DPY19L1: variants seen among roughly 807,000 people sequenced by gnomAD.
DPY19L1 encodes protein C-mannosyl-transferase DPY19L1.
A neutral mutation model predicts 96.9 loss-of-function variants in DPY19L1; 35 were observed. The ratio of observed to expected loss-of-function variants is 0.36; its 90% CI spans 0.28 to 0.48. DPY19L1 has a LOEUF of 0.48. Among genes scored for constraint, DPY19L1 ranks in the 20% least tolerant of loss-of-function variants. DPY19L1 has a pLI of 0.99. For missense variants in DPY19L1, 521 were observed against 777.9 expected, an observed-to-expected ratio of 0.67 and a Z score of 3.93; for synonymous variants, 205 against 252.6, an observed-to-expected ratio of 0.81 and a Z score of 1.79.
At chr7:35,034,888 T>C (rs576281443) in intron 1 of DPY19L1, among the ~76,000 whole-genome samples, 7 of 152,320 alleles carry the variant, frequency 4.6e-5, no homozygotes, top group South Asian at 2.1e-4. Flanking sequence ...AAGTCCCACA[T>C]TGAAATACTG....
chr7:34,987,441 T>C, intron 7 of DPY19L1, among the ~76,000 whole-genome samples: 1 of 152,172 alleles, frequency 6.6e-6, no homozygotes, highest in South Asian at 2.1e-4. Context: ...AATAATTTGT[T>C]CAGGCAAAAA....
At chr7:35,002,734 A>G (rs759370134) in intron 6 of DPY19L1, among the ~76,000 whole-genome samples, 9 of 152,204 alleles carry the variant, frequency 5.9e-5, no homozygotes, top group Non-Finnish European at 1.0e-4. Context: ...TAACTTAGGA[A>G]CATCTGAATA....
At chr7:34,983,304 A>C (rs890263077) in intron 7 of DPY19L1, among the ~76,000 whole-genome samples, 21 of 152,192 alleles carry the variant, frequency 1.4e-4, no homozygotes, top group Non-Finnish European at 2.9e-4. Context: ...GAGAAAAAAA[A>C]CAGTCAATGG....
intron 6 of DPY19L1, among the ~76,000 whole-genome samples, chr7:34,998,686 C>T (rs1373591532): frequency 1.3e-5 from 2 of 152,182 alleles, no homozygotes; most frequent in Non-Finnish European, 2.9e-5. Context: ...CAGTTTACAC[C>T]CTCATCATGC....
At chr7:34,948,513 G>A (rs1379206751) in intron 14 of DPY19L1, among the ~76,000 whole-genome samples, 1 of 152,130 alleles carries the variant, frequency 6.6e-6, no homozygotes, top group Non-Finnish European at 1.5e-5. Flanking sequence ...GATACTTACA[G>A]TGATGAGGAA....
At chr7:34,953,547 T>C (rs1032826118) in intron 13 of DPY19L1, among the ~76,000 whole-genome samples, 2 of 152,194 alleles carry the variant, frequency 1.3e-5, no homozygotes, top group African/African-American at 4.8e-5. Flanking sequence ...CTCCTGTGTA[T>C]TCCTGCAGCA....
At chr7:35,029,326 G>A (rs546521733) in intron 1 of DPY19L1, among the ~76,000 whole-genome samples, 1 of 152,246 alleles carries the variant, frequency 6.6e-6, no homozygotes, top group Admixed American at 6.5e-5. Flanking sequence ...AAGATAATAT[G>A]ATCTGCTTCT....
intron 16 of DPY19L1, among the ~76,000 whole-genome samples, chr7:34,944,165 C>T (rs1175857415): frequency 2.0e-5 from 3 of 151,994 alleles, no homozygotes; most frequent in East Asian, 1.9e-4. Context: ...GAGTTCAAGA[C>T]CAGCCTGGCC....
At chr7:34,940,401 C>A in intron 18 of DPY19L1, 74 bp from the exon 19 acceptor site, 1 of 1,336,068 alleles carries the variant, frequency 7.5e-7, no homozygotes, top group South Asian at 1.7e-5. Context: ...AACTTCTTCC[C>A]AGAGAAGAAT....
intron 16 of DPY19L1, among the ~76,000 whole-genome samples, chr7:34,944,318 G>A (rs1328145546): frequency 9.1e-5 from 13 of 142,900 alleles, no homozygotes; most frequent in Middle Eastern, 3.5e-3. Context: ...AGCCGAGATC[G>A]TGCCACTGCA....
chr7:35,001,000 T>A (rs1471247256), intron 6 of DPY19L1, among the ~76,000 whole-genome samples: 1 of 152,210 alleles, frequency 6.6e-6, no homozygotes, highest in Non-Finnish European at 1.5e-5. Context: ...GGTACTCAAA[T>A]CCCTACTCTG....
Position 35,037,178 on chromosome 7 carries a change from C to A in DPY19L1, c.217G>T (p.Gly73Trp), listed in dbSNP as rs1332085790. The A allele has an allele frequency of 6.8e-6, 1 of 147,970 alleles. No homozygotes were observed. Among genetic ancestry groups the A allele is most frequent in the Non-Finnish European group, 1.5e-5 (1 of 67,770 alleles). 9.2% of individuals were successfully genotyped at this position (147,970 alleles called of 1,614,324 possible). A position where few individuals can be genotyped will look rare whatever the true frequency, so the allele number is the denominator to read the frequency against. ...CAGCGCAGCCGGGCGGCCAGGCGCC[C>A]CCCAAGGCCGCCCCCGGCGGGCGGC... ...GAPPAGGGLG[G>W]RLAARLRWAL... The change falls in exon 1 of 22, where the codon GGG (glycine) becomes TGG (tryptophan). Residue 73 changes from glycine to tryptophan, a missense_variant. Transcript: ENST00000638088.
chr7:35,010,881 C>A (rs1785694844), intron 5 of DPY19L1, among the ~76,000 whole-genome samples: 1 of 152,166 alleles, frequency 6.6e-6, no homozygotes, highest in Non-Finnish European at 1.5e-5. Flanking sequence ...CACTATGTGA[C>A]TTCTGAGGCT....
At chr7:35,002,725 A>C (rs1397255107) in intron 6 of DPY19L1, among the ~76,000 whole-genome samples, 1 of 152,226 alleles carries the variant, frequency 6.6e-6, no homozygotes, top group Non-Finnish European at 1.5e-5. Context: ...AAATTTGAAT[A>C]ACTTAGGAAC....
rs146864772 is a variant in DPY19L1, at chr7:34,973,311, T to C, written c.914+203A>G. ...TCCTTCTCAAGCAATCACTGTAGAC[T>C]ACCAAGAAAAAGGAGGAGGAACAGA... On this transcript the variant is annotated intron_variant, in intron 8 of 21. Transcript: ENST00000638088. Among the ~76,000 whole-genome samples the C allele has an allele frequency of 3.1e-3, 468 of 152,294 alleles. 2 individuals are homozygous for C. Among genetic ancestry groups the C allele is most frequent in the Middle Eastern group, 0.014 (4 of 294 alleles).
rs57262214 is a variant in DPY19L1, at chr7:35,027,668, T to TAAAAAAAAAAAAA, written c.299-9085_299-9073dup. ...CAACATGGCAAAACCCCGTCTCTAC[T>TAAAAAAAAAAAAA]AAAAAAAAAAAAAAAAAAAATTAGT... On this transcript the variant is annotated intron_variant, in intron 1 of 21. Coordinates refer to ENST00000638088, the MANE Select transcript of DPY19L1 (RefSeq NM_001366673.1). Among the ~76,000 whole-genome samples, 52 of 71,370 alleles carry TAAAAAAAAAAAAA rather than the reference T, an allele frequency of 7.3e-4. 4 individuals are homozygous for TAAAAAAAAAAAAA. Among genetic ancestry groups the TAAAAAAAAAAAAA allele is most frequent in the Non-Finnish European group, 1.2e-3 (41 of 33,502 alleles). The allele number at this position is 71,370 out of a possible 152,430, so 46.8% of individuals were successfully genotyped here.
At chr7:35,035,839 G>T (rs1291960147) in intron 1 of DPY19L1, among the ~76,000 whole-genome samples, 2 of 151,838 alleles carry the variant, frequency 1.3e-5, no homozygotes, top group South Asian at 2.1e-4. Flanking sequence ...CCACTGTATC[G>T]TGCTGCCTCC....
rs115703019 is a variant in DPY19L1, at chr7:34,966,426, T to C, written c.1092+468A>G. Among the ~76,000 whole-genome samples, 736 of 152,214 alleles carry C rather than the reference T, an allele frequency of 4.8e-3. 4 individuals are homozygous for C. The highest frequency in any genetic ancestry group is 0.017 in the African/African-American group (699 of 41,546). On this transcript the variant is annotated intron_variant, in intron 10 of 21. Coordinates refer to ENST00000638088, the MANE Select transcript of DPY19L1 (RefSeq NM_001366673.1). ...AATCCTCCCACATCAACTTCCTAAG[T>C]AGCTAGTACTACAGGCATGCATCAC...
At chr7:34,946,759 G>A (rs555245463) in intron 15 of DPY19L1, among the ~76,000 whole-genome samples, 15 of 152,312 alleles carry the variant, frequency 9.8e-5, no homozygotes, top group African/African-American at 3.6e-4. Flanking sequence ...GCTTTTAAGT[G>A]GACATGATGC....
Sources: allele counts gnomAD v4.1 joint callset (sites outside exome capture counted in the v4.1 genomes callset), GRCh38; gene constraint gnomAD v4.1.1; transcripts MANE v1.5; gene names NCBI Gene and HGNC (gene_info 2026-07-23, HGNC 2026-07-21).